Variants in PCDHA3 observed in about 807,000 individuals in gnomAD.
PCDHA3 encodes the protein protocadherin alpha 3, also known as protocadherin alpha-3.
In PCDHA3, 41 loss-of-function variants were observed where a neutral mutation model predicts 62.2. That is an observed-to-expected ratio of 0.66 (90% CI 0.51 to 0.86). The LOEUF (loss-of-function observed/expected upper bound fraction) is 0.86. PCDHA3 is among the 40% of genes least tolerant of loss of function. The pLI is 0.00. For synonymous variants in PCDHA3, 640 were observed against 555.4 expected (o/e 1.15, Z -2.14); for missense variants, 1,304 against 1,241.2 (o/e 1.05, Z -0.76).
Position 140,802,629 on chromosome 5 carries a change from T to C in PCDHA3, c.1432T>C (p.Ser478Pro), listed in dbSNP as rs1762972242. ...GCCGGGCTGCCACATCTTCACGGTG[T>C]CTGCGCGGGACGCGGACGCGCAGGA... ...NPPGCHIFTVSARDADAQENA... is the reference protein window; with the variant it reads ...NPPGCHIFTVPARDADAQENA... The change falls in exon 1 of 4, where the codon TCT becomes CCT. Residue 478 changes from serine to proline, a missense_variant. Coordinates refer to ENST00000522353, the MANE Select transcript of PCDHA3 (RefSeq NM_018906.3). The C allele has an allele frequency of 6.2e-7, 1 of 1,613,844 alleles. No homozygotes were observed. The highest frequency in any genetic ancestry group is 8.5e-7 in the Non-Finnish European group (1 of 1,179,912).
In PCDHA3 at chr5:140,807,867, A is replaced by G. The variant is rs782786124; in HGVS notation, c.2394+4276A>G. 6 of 1,614,086 alleles carry G rather than the reference A, an allele frequency of 3.7e-6. No homozygotes were observed. In the African/African-American group the frequency reaches 8.0e-5, roughly 22 times the overall value. On this transcript the variant is annotated intron_variant, in intron 1 of 3. Coordinates refer to ENST00000522353, the MANE Select transcript of PCDHA3 (RefSeq NM_018906.3). ...AAACCCGAGTTGACTGGCACCGTTCAGTTACTCATCACAGTACTGGATGCC... is the reference window on the plus strand; with the variant it reads ...AAACCCGAGTTGACTGGCACCGTTCGGTTACTCATCACAGTACTGGATGCC...
At chr5:140,960,934 A>G (rs1429908471) in intron 1 of PCDHA3, among the ~76,000 whole-genome samples, 3 of 152,236 alleles carry the variant, frequency 2.0e-5, no homozygotes, top group Admixed American at 1.3e-4. Context: ...TACTAAGTTT[A>G]GTGAATTAGA....
At chr5:140,850,520 G>T (rs782515896) in intron 1 of PCDHA3, 3 of 1,598,186 alleles carry the variant, frequency 1.9e-6, no homozygotes, top group South Asian at 1.1e-5. Context: ...GCGGCCAGGC[G>T]CCAAAGTCAT....
Position 140,876,717 on chromosome 5 carries a change from C to T in PCDHA3, c.2394+73126C>T, listed in dbSNP as rs377702421. ...TGGTGCTGGACAGCGCCCTGGACCG[C>T]GAGAGCGTGTCGGCCTATGAGCTGG... On this transcript the variant is annotated intron_variant, in intron 1 of 3. Coordinates refer to ENST00000522353, the MANE Select transcript of PCDHA3 (RefSeq NM_018906.3). The T allele has an allele frequency of 3.7e-6, 6 of 1,614,118 alleles. No homozygotes were observed. The African/African-American group carries it at 5.3e-5, about 14-fold the overall frequency.
intron 1 of PCDHA3, among the ~76,000 whole-genome samples, chr5:140,888,673 A>G (rs571585641): frequency 6.6e-6 from 1 of 152,180 alleles, no homozygotes; most frequent in Non-Finnish European, 1.5e-5. Context: ...TGCCCTGTGC[A>G]TTAAGAGGTC....
At chr5:140,821,498 G>A (rs1479155064) in intron 1 of PCDHA3, 2 of 316,372 alleles carry the variant, frequency 6.3e-6, no homozygotes, top group East Asian at 1.1e-4. Flanking sequence ...AAATATTGAC[G>A]AATATAAGCT....
chr5:140,983,059 C>G (rs1325414567), intron 3 of PCDHA3, among the ~76,000 whole-genome samples: 1 of 151,980 alleles, frequency 6.6e-6, no homozygotes, highest in African/African-American at 2.4e-5. Flanking sequence ...TTATCGGAAC[C>G]AAGGCATTGT....
rs782007386 is a variant in PCDHA3 at position 140,856,148 on chromosome 5, G to A, written c.2394+52557G>A. 6.9e-6 allele frequency: 11 copies of A among 1,598,220 alleles called. No homozygotes were observed. In the East Asian group the frequency reaches 2.0e-4, roughly 29 times the overall value. ...GGGGAGCGGCCAGCTCCACTACTCA[G>A]TCTACGAGGAGGCCAGACACGGCAC... On this transcript the variant is annotated intron_variant, in intron 1 of 3. Transcript: ENST00000522353.
intron 1 of PCDHA3, among the ~76,000 whole-genome samples, chr5:140,840,298 T>C (rs1378373140): frequency 6.6e-6 from 1 of 152,042 alleles, no homozygotes; most frequent in African/African-American, 2.4e-5. Context: ...ATTGATTAGA[T>C]ATTCTTTTAA....
rs572947059 is a variant in PCDHA3 at position 141,007,735 on chromosome 5, A to G, written c.2543-1892A>G. Reference sequence around the variant, plus strand: ...CCACCAGGGAGAACAAAGGTTAACCACTGAAGATAACTTTGGACTCTTATT... The same window carrying G: ...CCACCAGGGAGAACAAAGGTTAACCGCTGAAGATAACTTTGGACTCTTATT... On this transcript the variant is annotated intron_variant, in intron 3 of 3. Coordinates refer to ENST00000522353, the MANE Select transcript of PCDHA3 (RefSeq NM_018906.3). Among the ~76,000 whole-genome samples, 58 of 152,336 alleles carry G rather than the reference A, an allele frequency of 3.8e-4. 1 individual carries two copies. Among genetic ancestry groups the G allele is most frequent in the South Asian group, 2.9e-3 (14 of 4,824 alleles).
chr5:140,901,466 C>T (rs782517412), intron 1 of PCDHA3, among the ~76,000 whole-genome samples: 3 of 152,062 alleles, frequency 2.0e-5, no homozygotes, highest in Admixed American at 6.5e-5. Flanking sequence ...TGTCTTTTCT[C>T]GAGTTTATGT....
intron 1 of PCDHA3, among the ~76,000 whole-genome samples, chr5:140,953,493 A>G (rs959606912): frequency 8.5e-5 from 13 of 152,108 alleles, no homozygotes; most frequent in Non-Finnish European, 1.5e-5. Flanking sequence ...CACAACCTTG[A>G]TCAGCTATTA....
At chr5:140,885,267 C>CAT (rs1219745687) in intron 1 of PCDHA3, among the ~76,000 whole-genome samples, 1 of 151,978 alleles carries the variant, frequency 6.6e-6, no homozygotes, top group East Asian at 1.9e-4. Context: ...ATTACTCATA[C>CAT]ATATATATAT....
chr5:140,969,803 T>G, intron 1 of PCDHA3, among the ~76,000 whole-genome samples: 1 of 152,248 alleles, frequency 6.6e-6, no homozygotes, highest in South Asian at 2.1e-4. Context: ...ATCTGCTGTC[T>G]CTGTTTATAC....
intron 1 of PCDHA3, among the ~76,000 whole-genome samples, chr5:140,840,207 TA>T (rs1477576699): frequency 3.9e-5 from 6 of 151,970 alleles, no homozygotes; most frequent in African/African-American, 1.2e-4. Flanking sequence ...AAAGAAGTCA[TA>T]AAAATACATA....
chr5:140,846,984 C>T (rs1554141604), intron 1 of PCDHA3, among the ~76,000 whole-genome samples: 2 of 149,190 alleles, frequency 1.3e-5, no homozygotes, highest in African/African-American at 4.9e-5. Context: ...TAAGTAAGTT[C>T]CCCCCGGGAG....
chr5:140,983,076 T>A (rs1390525890), intron 3 of PCDHA3, among the ~76,000 whole-genome samples: 1 of 152,168 alleles, frequency 6.6e-6, no homozygotes, highest in Non-Finnish European at 1.5e-5. Context: ...TTGTTTTGAG[T>A]TCAAGTCAAA....
chr5:140,849,699 A>G, intron 1 of PCDHA3: 1 of 1,598,608 alleles, frequency 6.3e-7, no homozygotes, highest in Non-Finnish European at 8.6e-7. Flanking sequence ...GTCCACCTAC[A>G]AGAATTACTA....
intron 1 of PCDHA3, chr5:140,877,758 G>T (rs782480713): frequency 6.2e-7 from 1 of 1,614,190 alleles, no homozygotes; most frequent in East Asian, 2.2e-5. Flanking sequence ...GCTCTGCAGA[G>T]AGCCCGCCCA....
Sources: gnomAD v4.1 joint callset for allele counts (sites outside exome capture counted in the v4.1 genomes callset) on GRCh38, gnomAD v4.1.1 for gene constraint, MANE v1.5 for transcripts, NCBI Gene and HGNC (gene_info 2026-07-23, HGNC 2026-07-21) for gene names.